Variants in RBL2 observed in about 807,000 individuals in gnomAD.
RBL2 encodes retinoblastoma-like protein 2.
RBL2 carries 56 observed loss-of-function variants against 126.0 expected under a neutral mutation model. That is an observed-to-expected ratio of 0.44 (90% confidence interval 0.36 to 0.56). The LOEUF (loss-of-function observed/expected upper bound fraction) is 0.56, where lower values mean the gene tolerates loss of function less well. Among genes scored for constraint, RBL2 ranks in the 20% least tolerant of loss-of-function variants. The pLI is 0.00. For missense variants in RBL2, 1,229 were observed against 1,398.2 expected (o/e 0.88, Z 1.93); for synonymous variants, 454 against 478.5 (o/e 0.95, Z 0.67).
chr16:53,457,901 G>T (rs2058184600), intron 8 of RBL2, among the ~76,000 whole-genome samples: 1 of 152,146 alleles, frequency 6.6e-6, no homozygotes, highest in African/African-American at 2.4e-5. Flanking sequence ...GTTATATGCT[G>T]CTGGCTGCTG....
chr16:53,447,336 G>A (rs973986469), intron 4 of RBL2, among the ~76,000 whole-genome samples: 1 of 151,900 alleles, frequency 6.6e-6, no homozygotes, highest in African/African-American at 2.4e-5. Flanking sequence ...TAACTTTGTT[G>A]TATACAACAT....
intron 21 of RBL2, among the ~76,000 whole-genome samples, chr16:53,486,261 C>T (rs1961172567): frequency 6.6e-6 from 1 of 151,992 alleles, no homozygotes; most frequent in Admixed American, 6.6e-5. Context: ...TGATGGCACC[C>T]CTGCACTCCA....
chr16:53,476,691 T>C (rs1399141584), intron 17 of RBL2, among the ~76,000 whole-genome samples: 2 of 152,228 alleles, frequency 1.3e-5, no homozygotes, highest in East Asian at 3.8e-4. Flanking sequence ...GTATAACTGT[T>C]ATAGATTCCT....
chr16:53,459,630 C>G lies in RBL2; in HGVS notation c.1346+13C>G, dbSNP rs1158207786. On this transcript the variant is annotated intron_variant, in intron 9 of 21. Transcript: ENST00000262133. The stretch of plus-strand genomic sequence containing the variant: ...AACAGATTCTCAGGTTAGTTTGAGC[C>G]CTGTCTGCTTTCTAAGATTTGGTTA... 1 of 1,517,352 alleles carries G rather than the reference C, an allele frequency of 6.6e-7. No individual in the cohort carries two copies. Among genetic ancestry groups the G allele is most frequent in the Non-Finnish European group, 8.8e-7 (1 of 1,134,034 alleles). 94.0% of individuals were successfully genotyped at this position (1,517,352 alleles called of 1,614,324 possible).
At chr16:53,484,687 A>AGAG (rs1414827294) in intron 21 of RBL2, among the ~76,000 whole-genome samples, 1 of 152,232 alleles carries the variant, frequency 6.6e-6, no homozygotes. Flanking sequence ...TGTGGGGAAT[A>AGAG]GAGTTTCTGC....
At chr16:53,470,963 C>A in intron 17 of RBL2, 41 bp downstream of exon 17, 1 of 1,548,872 alleles carries the variant, frequency 6.5e-7, no homozygotes, top group Non-Finnish European at 8.8e-7. Flanking sequence ...GATAGGTCTT[C>A]ATTACTGAGA....
rs780386992 is a variant in RBL2, at chr16:53,479,276, G to A, written c.2775+51G>A. 25 of 1,517,994 alleles carry A rather than the reference G, an allele frequency of 1.6e-5. No homozygotes were observed. The East Asian group carries it at 5.2e-4, about 31-fold the overall frequency. The allele number at this position is 1,517,994 out of a possible 1,614,324, so 94.0% of individuals were successfully genotyped here. A position where few individuals can be genotyped will look rare whatever the true frequency, so the allele number is the denominator to read the frequency against. On this transcript the variant is annotated intron_variant, in intron 18 of 21. Transcript: ENST00000262133. ...AAAAATAAAGCTTAAAGTCTGTGAT[G>A]AATACAAAAAATTAACCATAGTTGA... is the stretch of plus-strand genomic sequence containing the variant.
At chr16:53,479,844 A>G in intron 18 of RBL2, 42 bp from the exon 19 acceptor site, 1 of 1,398,786 alleles carries the variant, frequency 7.1e-7, no homozygotes, top group South Asian at 1.2e-5. Flanking sequence ...GGTGTGCTCA[A>G]CAAATACTAG....
chr16:53,450,811 G>A (rs1253472672), intron 4 of RBL2, among the ~76,000 whole-genome samples: 1 of 152,072 alleles, frequency 6.6e-6, no homozygotes, highest in East Asian at 1.9e-4. Context: ...TACTGTTGGA[G>A]TCTGATAAAA....
At chr16:53,461,959 G>A in intron 10 of RBL2, 109 bp downstream of exon 10, 7 of 985,844 alleles carry the variant, frequency 7.1e-6, no homozygotes, top group Non-Finnish European at 1.1e-5. Context: ...TTAGACTGAA[G>A]GCTAGGATAT....
rs772845119 is a variant in RBL2 at position 53,434,572 on chromosome 16, G to A, written c.16G>A (p.Asp6Asn). 1 of 1,532,480 alleles carries A rather than the reference G, an allele frequency of 6.5e-7. No individual in the cohort carries two copies. The highest frequency in any genetic ancestry group is 8.7e-7 in the Non-Finnish European group (1 of 1,148,782). The allele number at this position is 1,532,480 out of a possible 1,614,324, so 94.9% of individuals were successfully genotyped here. A position where few individuals can be genotyped will look rare whatever the true frequency, so the allele number is the denominator to read the frequency against. The stretch of plus-strand genomic sequence containing the variant: ...GGGGTGCGCTATGCCGTCGGGAGGT[G>A]ACCAGTCGCCACCGCCCCCGCCTCC... The part of the protein sequence containing the change: MPSGG[D>N]QSPPPPPPPP... The change falls in exon 1 of 22, where the codon GAC becomes AAC. Residue 6 changes from aspartate to asparagine, a missense_variant. Asp to Asn is a conservative substitution (Grantham distance 23, BLOSUM62 1). Coordinates refer to ENST00000262133, the MANE Select transcript of RBL2 (RefSeq NM_005611.4).
chr16:53,479,835 G>A (rs1960871984), intron 18 of RBL2, 51 bp from the exon 19 acceptor site: 2 of 1,257,796 alleles, frequency 1.6e-6, no homozygotes, highest in South Asian at 2.6e-5. Flanking sequence ...ATCACCAAGG[G>A]TGTGCTCAAC....
intron 2 of RBL2, among the ~76,000 whole-genome samples, chr16:53,441,507 G>A (rs2058015953): frequency 6.6e-6 from 1 of 152,146 alleles, no homozygotes; most frequent in South Asian, 2.1e-4. Context: ...AAAAGTCATT[G>A]TATGTTCATA....
intron 4 of RBL2, among the ~76,000 whole-genome samples, chr16:53,447,572 T>C (rs1262757376): frequency 6.6e-6 from 1 of 152,172 alleles, no homozygotes; most frequent in East Asian, 1.9e-4. Context: ...TTTTCTTGTC[T>C]CATTTAACCT....
chr16:53,486,574 G>A (rs987190974), intron 21 of RBL2, among the ~76,000 whole-genome samples: 2 of 152,192 alleles, frequency 1.3e-5, no homozygotes, highest in African/African-American at 4.8e-5. Context: ...TTGAAGGAAA[G>A]CATCTGACAA....
chr16:53,480,530 G>A lies in RBL2; in HGVS notation c.2882-37G>A, dbSNP rs114839764. ...AAAATTAAAACAGTCAATATTAGCA[G>A]CCTTTGTACTGACAGCCTTTGTTCT... On this transcript the variant is annotated intron_variant, in intron 19 of 21. Transcript: ENST00000262133. 888 of 1,567,664 alleles carry A rather than the reference G, an allele frequency of 5.7e-4. 3 individuals carry two copies. The African/African-American group carries it at 0.01, about 18-fold the overall frequency.
At position 53,491,085 on chromosome 16, in the gene RBL2, G is replaced by A. The variant is rs532492973; in HGVS notation, c.*785G>A. The A allele has an allele frequency of 2.5e-4, 38 of 152,602 alleles. No individual in the cohort carries two copies. Among genetic ancestry groups the A allele is most frequent in the African/African-American group, 9.2e-4 (38 of 41,512 alleles). 9.5% of individuals were successfully genotyped at this position (152,602 alleles called of 1,614,324 possible). Reference sequence around the variant, plus strand: ...TAATGCTTTTATATTTTTTTAAAATGTTAAAACCCCTATAGCCACCTTTTG... The same window carrying A: ...TAATGCTTTTATATTTTTTTAAAATATTAAAACCCCTATAGCCACCTTTTG... On this transcript the variant is annotated 3_prime_UTR_variant, in exon 22 of 22. Transcript: ENST00000262133.
intron 4 of RBL2, among the ~76,000 whole-genome samples, chr16:53,449,958 C>CT (rs764078451): frequency 0.28 from 30,307 of 109,620 alleles, 4,886 homozygotes; most frequent in Non-Finnish European, 0.32. Flanking sequence ...ACAGTACTGC[C>CT]TTTTTTTTTT....
chr16:53,444,510 G>A (rs538657006), intron 3 of RBL2, among the ~76,000 whole-genome samples: 2 of 151,520 alleles, frequency 1.3e-5, no homozygotes, highest in South Asian at 4.2e-4. Context: ...CCGAGATCAC[G>A]CCACTGCACT....
Sources: allele counts gnomAD v4.1 joint callset (sites outside exome capture counted in the v4.1 genomes callset), GRCh38; gene constraint gnomAD v4.1.1; transcripts MANE v1.5; gene names NCBI Gene and HGNC (gene_info 2026-07-23, HGNC 2026-07-21).